The following XRCC4 variants were observed in gnomAD, a reference collection of about 807,000 sequenced individuals.
XRCC4 encodes the protein DNA repair protein XRCC4.
In XRCC4, 28 loss-of-function variants were observed where a neutral mutation model predicts 39.1. That is an observed-to-expected ratio of 0.72 (90% CI 0.53 to 0.98). The LOEUF (loss-of-function observed/expected upper bound fraction) is 0.98, where lower values mean the gene tolerates loss of function less well. XRCC4 is among the 50% of genes least tolerant of loss of function. The pLI is 0.00. For synonymous variants in XRCC4, 123 were observed against 126.4 expected (o/e 0.97, Z 0.18); for missense variants, 350 against 376.4 (o/e 0.93, Z 0.58).
chr5:83,175,675 C>T (rs1388361003), intron 3 of XRCC4, among the ~76,000 whole-genome samples: 2 of 152,174 alleles, frequency 1.3e-5, no homozygotes, highest in South Asian at 4.1e-4. Context: ...GTGGTGTCAT[C>T]TCGGCTTACT....
chr5:83,170,687 C>A (rs963119491), intron 3 of XRCC4, among the ~76,000 whole-genome samples: 8 of 152,118 alleles, frequency 5.3e-5, no homozygotes, highest in South Asian at 2.1e-4. Flanking sequence ...AACCCAGTCC[C>A]CTTTAAGGGC....
intron 3 of XRCC4, among the ~76,000 whole-genome samples, chr5:83,125,050 T>C (rs1402757382): frequency 6.6e-6 from 1 of 152,250 alleles, no homozygotes; most frequent in East Asian, 1.9e-4. Flanking sequence ...TTATGGTATC[T>C]TATTGTGGCT....
At chr5:83,345,217 C>G (rs562281923) in intron 7 of XRCC4, among the ~76,000 whole-genome samples, 14 of 152,266 alleles carry the variant, frequency 9.2e-5, no homozygotes, top group Middle Eastern at 3.4e-3. Context: ...GTACTTACTT[C>G]AAATGCAATT....
chr5:83,372,702 C>T, the XRCC4 span, among the ~76,000 whole-genome samples: 1 of 152,158 alleles, frequency 6.6e-6, no homozygotes, highest in Non-Finnish European at 1.5e-5. Context: ...TGTATTTTCT[C>T]AATCTACAGA....
the XRCC4 span, among the ~76,000 whole-genome samples, chr5:83,368,142 A>G: frequency 0.021 from 3,145 of 152,114 alleles, 110 homozygotes; most frequent in African/African-American, 0.071. Context: ...TATGTTTTGT[A>G]AACAAAATTA....
chr5:83,227,736 C>T (rs1428646610), intron 6 of XRCC4, among the ~76,000 whole-genome samples: 2 of 152,042 alleles, frequency 1.3e-5, no homozygotes, highest in Non-Finnish European at 2.9e-5. Flanking sequence ...TCTATAATGT[C>T]ATCATGCACT....
At chr5:83,344,379 G>T (rs1320138516) in intron 7 of XRCC4, among the ~76,000 whole-genome samples, 1 of 149,088 alleles carries the variant, frequency 6.7e-6, no homozygotes, top group Non-Finnish European at 1.5e-5. Flanking sequence ...TAGCACTACA[G>T]ATGTGTACCA....
At chr5:83,083,658 G>T (rs1302584832) in intron 1 of XRCC4, among the ~76,000 whole-genome samples, 5 of 150,654 alleles carry the variant, frequency 3.3e-5, no homozygotes, top group African/African-American at 1.2e-4. Flanking sequence ...TTACAGGCAT[G>T]AAGGTGCTGG....
At chr5:83,315,578 G>T (rs997153343) in intron 7 of XRCC4, among the ~76,000 whole-genome samples, 1 of 152,132 alleles carries the variant, frequency 6.6e-6, no homozygotes, top group African/African-American at 2.4e-5. Context: ...TTAAGTTGAA[G>T]CCAGTGCTCA....
At chr5:83,348,398 C>G (rs988268507) in intron 7 of XRCC4, among the ~76,000 whole-genome samples, 4 of 152,252 alleles carry the variant, frequency 2.6e-5, no homozygotes, top group Non-Finnish European at 5.9e-5. Context: ...AGCTCTTGCA[C>G]TCTGCACATC....
chr5:83,309,586 C>T (rs1755632319), intron 7 of XRCC4, among the ~76,000 whole-genome samples: 1 of 150,410 alleles, frequency 6.6e-6, no homozygotes, highest in Admixed American at 6.6e-5. Context: ...ACGGTGAAAA[C>T]CCGTCTCTAC....
chr5:83,204,823 C>A lies in XRCC4; in HGVS notation c.647C>A (p.Ala216Glu), dbSNP rs780330653. 1.9e-6 allele frequency: 3 copies of A among 1,606,772 alleles called. No individual in the cohort carries two copies. Among genetic ancestry groups the A allele is most frequent in the Middle Eastern group, 1.7e-4 (1 of 6,052 alleles). The change falls in exon 6 of 8, where the codon GCA becomes GAA. Residue 216 changes from alanine to glutamate, a missense_variant. By Grantham distance (107) the Ala-to-Glu change is moderately radical. Transcript: ENST00000396027. ...CCTTTCTCTGTTTCTAGGGAAACTG[C>A]AATCTGTTCTGAAATGACTGCTGAC... ...EKDIKQEGET[A>E]ICSEMTADRD... is the part of the protein sequence containing the mutation.
intron 3 of XRCC4, among the ~76,000 whole-genome samples, chr5:83,156,113 G>GAGACTACTCT (rs1748948142): frequency 6.6e-6 from 1 of 152,014 alleles, no homozygotes; most frequent in Admixed American, 6.6e-5. Context: ...CACCCTGTTT[G>GAGACTACTCT]AATATTGAGA....
intron 6 of XRCC4, among the ~76,000 whole-genome samples, chr5:83,256,880 C>T (rs1384982119): frequency 6.6e-6 from 1 of 152,070 alleles, no homozygotes; most frequent in African/African-American, 2.4e-5. Context: ...CTTAACCTCT[C>T]TGAAGCCTTG....
rs192020000 is a variant in XRCC4 at position 83,311,711 on chromosome 5, G to C, written c.894-41420G>C. Among the ~76,000 whole-genome samples the C allele has an allele frequency of 5.1e-3, 773 of 152,028 alleles. 4 individuals are homozygous for C. The highest frequency in any genetic ancestry group is 0.017 in the African/African-American group (713 of 41,494). On this transcript the variant is annotated intron_variant, in intron 7 of 7. Transcript: ENST00000396027. Reference sequence around the variant, plus strand: ...AACATCAGAACAAAAAGTTGTATCTGTATCTGTTTTATATATATTATTAAA... The same window carrying C: ...AACATCAGAACAAAAAGTTGTATCTCTATCTGTTTTATATATATTATTAAA...
At chr5:83,232,288 G>T (rs577918128) in intron 6 of XRCC4, among the ~76,000 whole-genome samples, 1 of 152,024 alleles carries the variant, frequency 6.6e-6, no homozygotes, top group East Asian at 1.9e-4. Flanking sequence ...GTTGTGTACT[G>T]GCCTGTTTGT....
chr5:83,122,477 A>G (rs1376890172), intron 3 of XRCC4, among the ~76,000 whole-genome samples: 6 of 152,050 alleles, frequency 3.9e-5, no homozygotes, highest in Non-Finnish European at 8.8e-5. Context: ...GCTTCCCTCC[A>G]CCCCAAAAAT....
chr5:83,141,602 T>A (rs1192696677), intron 3 of XRCC4, among the ~76,000 whole-genome samples: 1 of 151,760 alleles, frequency 6.6e-6, no homozygotes, highest in Non-Finnish European at 1.5e-5. Context: ...CATTTCTGTG[T>A]CTTTTTTTGT....
At chr5:83,313,812 C>G (rs558856385) in intron 7 of XRCC4, among the ~76,000 whole-genome samples, 141 of 152,214 alleles carry the variant, frequency 9.3e-4, no homozygotes, top group African/African-American at 3.2e-3. Flanking sequence ...CATCCCACTC[C>G]TAATATAATT....
Sources: allele counts gnomAD v4.1 joint callset (sites outside exome capture counted in the v4.1 genomes callset), GRCh38; gene constraint gnomAD v4.1.1; transcripts MANE v1.5; gene names NCBI Gene and HGNC (gene_info 2026-07-23, HGNC 2026-07-21).